DSCAM: variants seen among roughly 807,000 people sequenced by gnomAD.
DSCAM encodes cell adhesion molecule DSCAM.
In DSCAM, 47 loss-of-function variants were observed where a neutral mutation model predicts 217.7. The observed-to-expected ratio is 0.22, with a 90% CI of 0.17 to 0.28. The LOEUF (loss-of-function observed/expected upper bound fraction) is 0.28. DSCAM is among the 10% of genes least tolerant of loss of function. The probability of loss-of-function intolerance (pLI) is 1.00; values close to 1 mark genes in which losing one functional copy is unlikely to be tolerated. For missense variants in DSCAM, 2,080 were observed against 2,618.3 expected (o/e 0.79, Z 4.49); for synonymous variants, 1,056 against 1,015.3 (o/e 1.04, Z -0.76).
At chr21:40,025,782 C>G (rs1399333911) in intron 32 of DSCAM, among the ~76,000 whole-genome samples, 2 of 150,940 alleles carry the variant, frequency 1.3e-5, no homozygotes, top group Middle Eastern at 6.8e-3. Flanking sequence ...ATTAGTCTTG[C>G]TAGCAGTCTA....
In DSCAM at chr21:40,627,648, A is replaced by G. The variant is rs568406723; in HGVS notation, c.508+65162T>C. Among the ~76,000 whole-genome samples, 21 of 152,328 alleles carry G rather than the reference A, an allele frequency of 1.4e-4. 1 individual carries two copies. Among genetic ancestry groups the G allele is most frequent in the African/African-American group, 5.1e-4 (21 of 41,578 alleles). On this transcript the variant is annotated intron_variant, in intron 3 of 32. Transcript: ENST00000400454. The stretch of plus-strand genomic sequence containing the variant: ...AATAGCGATGACTTTACATATATCT[A>G]TAAGATGCTGTAATTTAGCCAACAC...
chr21:40,451,491 A>C (rs1255931409), intron 3 of DSCAM, among the ~76,000 whole-genome samples: 1 of 152,202 alleles, frequency 6.6e-6, no homozygotes, highest in East Asian at 1.9e-4. Flanking sequence ...TGATGTATTC[A>C]TAAGAATCCT....
At chr21:40,482,095 T>A (rs1340433298) in intron 3 of DSCAM, among the ~76,000 whole-genome samples, 2 of 152,214 alleles carry the variant, frequency 1.3e-5, no homozygotes, top group Non-Finnish European at 2.9e-5. Flanking sequence ...CTTGTGAGAT[T>A]ATTTCTCATT....
intron 1 of DSCAM, among the ~76,000 whole-genome samples, chr21:40,775,776 A>T (rs1220094245): frequency 6.6e-6 from 1 of 152,148 alleles, no homozygotes; most frequent in Non-Finnish European, 1.5e-5. Context: ...TCCTCAATAA[A>T]TGAAGAGATG....
rs1280505495 is a variant in DSCAM at position 40,123,803 on chromosome 21, G to GAGGGAGGGAGA, written c.3696+381_3696+391dup. Among the ~76,000 whole-genome samples the GAGGGAGGGAGA allele has an allele frequency of 1.6e-4, 24 of 147,600 alleles. 1 individual carries two copies. Among genetic ancestry groups the GAGGGAGGGAGA allele is most frequent in the Admixed American group, 1.5e-3 (22 of 14,804 alleles). ...GGAAGGAAGGAGGGAGGGAAGGAGG[G>GAGGGAGGGAGA]AGGGAGGGAGAAGGGAGGGAGGGAA... is the stretch of plus-strand genomic sequence containing the variant. On this transcript the variant is annotated intron_variant, in intron 20 of 32. Coordinates refer to ENST00000400454, the MANE Select transcript of DSCAM (RefSeq NM_001389.5).
At chr21:40,422,538 A>G (rs1469582103) in intron 3 of DSCAM, among the ~76,000 whole-genome samples, 1 of 152,168 alleles carries the variant, frequency 6.6e-6, no homozygotes, top group African/African-American at 2.4e-5. Flanking sequence ...GCTACTCAGG[A>G]GGCTGAGGCA....
chr21:40,072,133 A>G (rs972670581), intron 27 of DSCAM, among the ~76,000 whole-genome samples: 4 of 152,168 alleles, frequency 2.6e-5, no homozygotes, highest in African/African-American at 9.7e-5. Context: ...TTCTCTCTCT[A>G]GGACCTGGCT....
At chr21:40,047,133 A>T (rs1365598396) in intron 30 of DSCAM, among the ~76,000 whole-genome samples, 1 of 152,044 alleles carries the variant, frequency 6.6e-6, no homozygotes, top group Non-Finnish European at 1.5e-5. Context: ...CTAGGCAGGC[A>T]TCCTAGGGTC....
At chr21:40,748,106 A>G (rs1451674860) in intron 1 of DSCAM, among the ~76,000 whole-genome samples, 4 of 152,144 alleles carry the variant, frequency 2.6e-5, no homozygotes, top group African/African-American at 9.6e-5. Context: ...CACAGAGAAC[A>G]TCATACTGAG....
intron 22 of DSCAM, 78 bp downstream of exon 22, chr21:40,087,092 A>G (rs1393235237): frequency 9.6e-7 from 1 of 1,040,060 alleles, no homozygotes; most frequent in Non-Finnish European, 1.5e-6. Context: ...AAATTAGGAG[A>G]CCACTAGACA....
intron 3 of DSCAM, among the ~76,000 whole-genome samples, chr21:40,641,196 G>A (rs891394034): frequency 3.9e-5 from 6 of 152,032 alleles, no homozygotes; most frequent in Non-Finnish European, 5.9e-5. Flanking sequence ...TAAACAGAGC[G>A]CATGGCAGTG....
chr21:40,478,750 C>A (rs1569140204), intron 3 of DSCAM, among the ~76,000 whole-genome samples: 1 of 152,164 alleles, frequency 6.6e-6, no homozygotes, highest in African/African-American at 2.4e-5. Flanking sequence ...CTGCCTTATA[C>A]ACAGCTTCCA....
At chr21:40,482,227 A>C (rs1025961556) in intron 3 of DSCAM, among the ~76,000 whole-genome samples, 8 of 152,218 alleles carry the variant, frequency 5.3e-5, no homozygotes, top group African/African-American at 1.9e-4. Context: ...TCATAATTTT[A>C]AAATATGACC....
At chr21:40,810,664 G>A (rs1490015921) in intron 1 of DSCAM, among the ~76,000 whole-genome samples, 3 of 152,182 alleles carry the variant, frequency 2.0e-5, no homozygotes, top group Non-Finnish European at 4.4e-5. Context: ...TACCCAAGAG[G>A]CTAAGGCAGG....
chr21:40,430,513 A>G (rs1243996015), intron 3 of DSCAM, among the ~76,000 whole-genome samples: 1 of 152,214 alleles, frequency 6.6e-6, no homozygotes, highest in Non-Finnish European at 1.5e-5. Flanking sequence ...TTAGACTCCA[A>G]GCTCTTCAGT....
intron 3 of DSCAM, among the ~76,000 whole-genome samples, chr21:40,629,278 C>T (rs958944791): frequency 6.6e-6 from 1 of 152,062 alleles, no homozygotes; most frequent in African/African-American, 2.4e-5. Context: ...TTCTTCGAAC[C>T]CTTTAATTCT....
At chr21:40,295,931 TG>T in intron 10 of DSCAM, 123 bp downstream of exon 10, 2 of 1,202,034 alleles carry the variant, frequency 1.7e-6, no homozygotes, top group South Asian at 3.3e-5. Context: ...ATGATAGGCT[TG>T]GTGGAAACAG....
intron 10 of DSCAM, among the ~76,000 whole-genome samples, chr21:40,286,115 C>A (rs2073820613): frequency 6.6e-6 from 1 of 152,092 alleles, no homozygotes; most frequent in African/African-American, 2.4e-5. Context: ...AGTGGGAGGG[C>A]AGCAGCCTCC....
chr21:40,378,716 C>T (rs1459149106), intron 3 of DSCAM, among the ~76,000 whole-genome samples: 1 of 151,080 alleles, frequency 6.6e-6, no homozygotes, highest in Non-Finnish European at 1.5e-5. Flanking sequence ...CTCAGCCTCC[C>T]GAGTAGCTGG....
Sources: allele counts gnomAD v4.1 joint callset (sites outside exome capture counted in the v4.1 genomes callset), GRCh38; gene constraint gnomAD v4.1.1; transcripts MANE v1.5; gene names NCBI Gene and HGNC (gene_info 2026-07-23, HGNC 2026-07-21).